MAST4: variants seen among roughly 807,000 people sequenced by gnomAD.
MAST4 encodes microtubule associated serine/threonine kinase family member 4.
A neutral mutation model predicts 162.7 loss-of-function variants in MAST4; 89 were observed. The ratio of observed to expected loss-of-function variants is 0.55; its 90% CI spans 0.46 to 0.65. MAST4 has a LOEUF of 0.65. MAST4 is among the 30% of genes least tolerant of loss of function. The pLI is 0.00. For synonymous variants in MAST4, 1,479 were observed against 1,361.1 expected, an observed-to-expected ratio of 1.09 and a Z score of -1.91; for missense variants, 3,153 against 3,374.0, an observed-to-expected ratio of 0.93 and a Z score of 1.62.
rs1268569314 is a variant in MAST4 at position 66,892,001 on chromosome 5, A to G, written c.643-7950A>G. Among the ~76,000 whole-genome samples the G allele has an allele frequency of 2.6e-5, 4 of 152,274 alleles. No individual in the cohort carries two copies. The East Asian group carries it at 7.7e-4, about 29-fold the overall frequency. ...TTCTTGTGGCTGCCATTAGTTTTGTAGGTTTAATGCTACTTCTTTCTCGTT... is the reference window on the plus strand; with the variant it reads ...TTCTTGTGGCTGCCATTAGTTTTGTGGGTTTAATGCTACTTCTTTCTCGTT... On this transcript the variant is annotated intron_variant, in intron 3 of 28. Coordinates refer to ENST00000403625, the MANE Select transcript of MAST4 (RefSeq NM_001164664.2).
chr5:66,888,101 A>G (rs1343504128), intron 3 of MAST4, among the ~76,000 whole-genome samples: 3 of 151,852 alleles, frequency 2.0e-5, no homozygotes, highest in Non-Finnish European at 4.4e-5. Flanking sequence ...AAAAAACTGT[A>G]CCCTGTAACA....
chr5:66,904,673 C>T (rs988042381), intron 4 of MAST4, among the ~76,000 whole-genome samples: 1 of 147,400 alleles, frequency 6.8e-6, no homozygotes, highest in African/African-American at 2.6e-5. Flanking sequence ...TGCTTGATTG[C>T]TTGCTTGCTT....
chr5:66,832,143 C>T (rs1757648375), intron 3 of MAST4, among the ~76,000 whole-genome samples: 1 of 152,102 alleles, frequency 6.6e-6, no homozygotes, highest in African/African-American at 2.4e-5. Context: ...CGATGCCTTT[C>T]CTGCCATCCT....
At chr5:66,918,850 A>G (rs1764283728) in intron 4 of MAST4, among the ~76,000 whole-genome samples, 1 of 152,202 alleles carries the variant, frequency 6.6e-6, no homozygotes, top group South Asian at 2.1e-4. Flanking sequence ...AATGGTATAT[A>G]TATTAATGAT....
At chr5:66,733,776 TA>T (rs1182543052) in intron 1 of MAST4, among the ~76,000 whole-genome samples, 3 of 141,502 alleles carry the variant, frequency 2.1e-5, no homozygotes, top group Non-Finnish European at 4.6e-5. Flanking sequence ...GTTTTTTTTT[TA>T]AAGTGAAATT....
chr5:67,046,287 G>A (rs1327723145), intron 4 of MAST4, among the ~76,000 whole-genome samples: 1 of 152,040 alleles, frequency 6.6e-6, no homozygotes, highest in Non-Finnish European at 1.5e-5. Context: ...CTGAAATTAC[G>A]AGATTATTTA....
chr5:66,822,912 C>G (rs574365105), intron 3 of MAST4, among the ~76,000 whole-genome samples: 14 of 152,296 alleles, frequency 9.2e-5, no homozygotes, highest in Admixed American at 2.0e-4. Flanking sequence ...GGTATCTTAT[C>G]CCAGCTGATA....
intron 4 of MAST4, among the ~76,000 whole-genome samples, chr5:66,966,229 T>A (rs1232424858): frequency 6.6e-6 from 1 of 152,254 alleles, no homozygotes; most frequent in Non-Finnish European, 1.5e-5. Flanking sequence ...TGAGATCATT[T>A]ATATTGAGTT....
chr5:67,112,821 A>G (rs1581603385), intron 11 of MAST4, among the ~76,000 whole-genome samples: 1 of 152,006 alleles, frequency 6.6e-6, no homozygotes, highest in East Asian at 1.9e-4. Context: ...GATCCACTTA[A>G]CCTTCAGCCC....
At chr5:67,042,772 C>A (rs1288086731) in intron 4 of MAST4, among the ~76,000 whole-genome samples, 1 of 152,168 alleles carries the variant, frequency 6.6e-6, no homozygotes, top group Non-Finnish European at 1.5e-5. Flanking sequence ...TTGCAAGATA[C>A]TGAATTAGGA....
At chr5:66,902,504 AT>A (rs2149985155) in intron 4 of MAST4, 3 of 184,654 alleles carry the variant, frequency 1.6e-5, no homozygotes, top group Non-Finnish European at 1.2e-5. Flanking sequence ...ACCACAGGAA[AT>A]TTTTTTGTTA....
At chr5:67,161,576 T>C (rs552969937) in intron 27 of MAST4, among the ~76,000 whole-genome samples, 2 of 152,220 alleles carry the variant, frequency 1.3e-5, no homozygotes, top group African/African-American at 4.8e-5. Context: ...AACTAAAAAA[T>C]AGCAGTGTAC....
At chr5:66,741,323 G>A (rs928280197) in intron 1 of MAST4, among the ~76,000 whole-genome samples, 1 of 152,118 alleles carries the variant, frequency 6.6e-6, no homozygotes, top group African/African-American at 2.4e-5. Flanking sequence ...ACTTTGTTCT[G>A]GTCACTGCTG....
chr5:66,894,865 G>T (rs915824844), intron 3 of MAST4, among the ~76,000 whole-genome samples: 1 of 152,128 alleles, frequency 6.6e-6, no homozygotes, highest in Non-Finnish European at 1.5e-5. Flanking sequence ...ATACTAGTGA[G>T]GGAGCCAATA....
At chr5:66,878,251 C>T (rs1561406703) in intron 3 of MAST4, among the ~76,000 whole-genome samples, 1 of 152,216 alleles carries the variant, frequency 6.6e-6, no homozygotes, top group Non-Finnish European at 1.5e-5. Flanking sequence ...TGTTCAATGT[C>T]AATTCCTGTG....
intron 4 of MAST4, among the ~76,000 whole-genome samples, chr5:66,951,596 ATATGTGTG>A (rs1473382613): frequency 2.9e-4 from 33 of 114,888 alleles, no homozygotes; most frequent in Middle Eastern, 5.0e-3. Context: ...GCCTCCCATG[ATATGTGTG>A]TGTGTGTGTG....
intron 4 of MAST4, among the ~76,000 whole-genome samples, chr5:66,902,436 T>C (rs1324589743): frequency 3.3e-5 from 5 of 152,206 alleles, no homozygotes; most frequent in Non-Finnish European, 5.9e-5. Context: ...AAGGTAACTT[T>C]TATATCCAGA....
chr5:67,162,487 GGATC>G lies in MAST4; in HGVS notation c.3786-119_3786-116del, dbSNP rs959423221. On this transcript the variant is annotated intron_variant, in intron 27 of 28. Transcript: ENST00000403625. ...GAAAGTGGTGTTCTGCTCTTTAATAGGATCTGCTGTTGTATCCCTGTCCCTCACA... is the reference window on the plus strand; with the variant it reads ...GAAAGTGGTGTTCTGCTCTTTAATAGTGCTGTTGTATCCCTGTCCCTCACA... 5.6e-5 allele frequency: 45 copies of G among 802,006 alleles called. No individual in the cohort carries two copies. The Admixed American group carries it at 9.8e-4, about 17-fold the overall frequency. The allele number at this position is 802,006 out of a possible 1,614,324, so 49.7% of individuals were successfully genotyped here.
chr5:67,132,451 A>G (rs530818172), intron 16 of MAST4, among the ~76,000 whole-genome samples: 1 of 152,202 alleles, frequency 6.6e-6, no homozygotes, highest in Admixed American at 6.5e-5. Flanking sequence ...CAATAGCTTC[A>G]TAGAATGCTG....
Sources: gnomAD v4.1 joint callset for allele counts (sites outside exome capture counted in the v4.1 genomes callset) on GRCh38, gnomAD v4.1.1 for gene constraint, MANE v1.5 for transcripts, NCBI Gene and HGNC (gene_info 2026-07-23, HGNC 2026-07-21) for gene names.